Variants in NRG2 observed in about 807,000 individuals in gnomAD.
NRG2 encodes neuregulin 2, also known as pro-neuregulin-2, membrane-bound isoform.
Under a neutral mutation model 73.9 loss-of-function variants are expected in NRG2, and 27 were observed. The ratio of observed to expected loss-of-function variants is 0.37; its 90% CI spans 0.27 to 0.50. The LOEUF (loss-of-function observed/expected upper bound fraction) is 0.50. NRG2 is among the 20% of genes least tolerant of loss of function. The probability of loss-of-function intolerance (pLI) is 0.96; values close to 1 mark genes in which losing one functional copy is unlikely to be tolerated. For synonymous variants in NRG2, 532 were observed against 541.0 expected, an observed-to-expected ratio of 0.98 and a Z score of 0.23; for missense variants, 1,126 against 1,210.1, an observed-to-expected ratio of 0.93 and a Z score of 1.03.
rs1762433264 is a variant in NRG2 at position 139,865,730 on chromosome 5, G to A, written c.1113-105C>T. On this transcript the variant is annotated intron_variant, in intron 4 of 9. Transcript: ENST00000361474. The surrounding 1 kb of genome is among the most constrained non-coding windows in gnomAD (Gnocchi z 5.2). ...TGATGAATGAGAAAAACCAAGTCAG[G>A]CACTTGGGGTCATACTTGTAGCTGA... 2.3e-6 allele frequency: 2 copies of A among 863,568 alleles called. No individual in the cohort carries two copies. Among genetic ancestry groups the A allele is most frequent in the African/African-American group, 1.7e-5 (1 of 58,724 alleles). The allele number at this position is 863,568 out of a possible 1,614,324, so 53.5% of individuals were successfully genotyped here.
chr5:139,858,671 C>T (rs1289427557), intron 5 of NRG2, among the ~76,000 whole-genome samples: 1 of 152,228 alleles, frequency 6.6e-6, no homozygotes, highest in Non-Finnish European at 1.5e-5. Flanking sequence ...TCCACCTGCA[C>T]AGTGCTCAAA....
intron 5 of NRG2, among the ~76,000 whole-genome samples, chr5:139,864,064 G>A (rs916076630): frequency 4.6e-5 from 7 of 152,182 alleles, no homozygotes; most frequent in Non-Finnish European, 8.8e-5. Flanking sequence ...CCAGTATCCA[G>A]TGCCATGTGG....
intron 9 of NRG2, 118 bp from the exon 10 acceptor site, chr5:139,848,815 G>T: frequency 1.1e-6 from 1 of 905,066 alleles, no homozygotes; most frequent in Non-Finnish European, 1.6e-6. Flanking sequence ...CCTTGCCCGA[G>T]ACCCCGCCTG....
At chr5:140,041,308 G>T (rs537281651) in intron 1 of NRG2, among the ~76,000 whole-genome samples, 6 of 152,288 alleles carry the variant, frequency 3.9e-5, no homozygotes, top group Non-Finnish European at 8.8e-5. Context: ...ACCTCAATTT[G>T]AATAAGCACG....
At chr5:139,848,758 G>GCC in intron 9 of NRG2, 61 bp from the exon 10 acceptor site, 1 of 718,192 alleles carries the variant, frequency 1.4e-6, no homozygotes, top group African/African-American at 2.1e-5. Context: ...GGGAGGGGGG[G>GCC]TTGGGGGTGG....
intron 9 of NRG2, among the ~76,000 whole-genome samples, chr5:139,850,525 C>A (rs757981006): frequency 3.3e-5 from 5 of 152,166 alleles, no homozygotes; most frequent in African/African-American, 4.8e-5. Flanking sequence ...CCAGGCCTGC[C>A]CAGCACAGGG....
intron 1 of NRG2, among the ~76,000 whole-genome samples, chr5:140,035,241 A>T (rs1761424911): frequency 6.6e-6 from 1 of 152,134 alleles, no homozygotes; most frequent in Non-Finnish European, 1.5e-5. Flanking sequence ...CTCTCACCTC[A>T]ACTATCTCTG....
At chr5:139,863,599 C>T (rs774548066) in intron 5 of NRG2, among the ~76,000 whole-genome samples, 6 of 152,206 alleles carry the variant, frequency 3.9e-5, no homozygotes, top group Non-Finnish European at 5.9e-5. Context: ...CTCACAAGCC[C>T]GGGAGGCTCT....
In NRG2 at chr5:139,847,913, G is replaced by A; in HGVS notation, c.*4C>T. On this transcript the variant is annotated 3_prime_UTR_variant, in exon 10 of 10. Coordinates refer to ENST00000361474, the MANE Select transcript of NRG2 (RefSeq NM_004883.3). ...GGCGGGGCGGAGGGGCGCGCGGCGGGGCCCTAGAGTGGCGCCGAGTCCTGC... is the reference window on the plus strand; with the variant it reads ...GGCGGGGCGGAGGGGCGCGCGGCGGAGCCCTAGAGTGGCGCCGAGTCCTGC... 1 of 1,445,368 alleles carries A rather than the reference G, an allele frequency of 6.9e-7. No homozygotes were observed. The highest frequency in any genetic ancestry group is 9.0e-7 in the Non-Finnish European group (1 of 1,106,394). 89.5% of individuals were successfully genotyped at this position (1,445,368 alleles called of 1,614,324 possible).
At chr5:140,021,629 T>G (rs1208883045) in intron 1 of NRG2, among the ~76,000 whole-genome samples, 1 of 152,192 alleles carries the variant, frequency 6.6e-6, no homozygotes, top group Non-Finnish European at 1.5e-5. Context: ...ACTATTTTAT[T>G]AATGCCTTCT....
chr5:139,931,881 C>T (rs904042188), intron 1 of NRG2, among the ~76,000 whole-genome samples: 4 of 152,116 alleles, frequency 2.6e-5, no homozygotes, highest in African/African-American at 7.2e-5. Flanking sequence ...AAAACCACAA[C>T]GAGCTATCAC....
intron 3 of NRG2, among the ~76,000 whole-genome samples, chr5:139,873,964 C>T (rs1364263873): frequency 6.6e-6 from 1 of 152,192 alleles, no homozygotes; most frequent in African/African-American, 2.4e-5. Context: ...AGGCTGGGAC[C>T]CCGGGAAGGT....
intron 1 of NRG2, among the ~76,000 whole-genome samples, chr5:140,041,512 T>C (rs1761913658): frequency 6.6e-6 from 1 of 152,158 alleles, no homozygotes; most frequent in Admixed American, 6.5e-5. Context: ...ATCACCTGCA[T>C]TCCTGTGCAG....
intron 1 of NRG2, among the ~76,000 whole-genome samples, chr5:139,963,926 G>C (rs764600173): frequency 6.7e-4 from 102 of 152,168 alleles, no homozygotes; most frequent in Non-Finnish European, 1.2e-3. Flanking sequence ...GTTCCTTTCT[G>C]GTTTTTTCCT....
chr5:140,003,928 A>T (rs996520327), intron 1 of NRG2, among the ~76,000 whole-genome samples: 6 of 152,178 alleles, frequency 3.9e-5, no homozygotes, highest in African/African-American at 1.4e-4. Flanking sequence ...TCAACTTCAC[A>T]TCACCTCCCC....
At chr5:139,911,474 T>C (rs1290695567) in intron 1 of NRG2, among the ~76,000 whole-genome samples, 1 of 152,292 alleles carries the variant, frequency 6.6e-6, no homozygotes, top group South Asian at 2.1e-4. Context: ...AGCCCCCACC[T>C]TCTGGGGCTT....
intron 3 of NRG2, among the ~76,000 whole-genome samples, chr5:139,875,769 A>G (rs955120642): frequency 6.6e-5 from 10 of 152,138 alleles, no homozygotes; most frequent in African/African-American, 2.4e-4. Context: ...TCTATAAAAC[A>G]TACACATACG....
chr5:139,976,250 CAA>C (rs1756376085), intron 1 of NRG2, among the ~76,000 whole-genome samples: 1 of 152,182 alleles, frequency 6.6e-6, no homozygotes, highest in Non-Finnish European at 1.5e-5. Flanking sequence ...AATGAGGAGA[CAA>C]ATTCTTTGTA....
At chr5:139,939,640 TA>T (rs1284754735) in intron 1 of NRG2, among the ~76,000 whole-genome samples, 1 of 152,156 alleles carries the variant, frequency 6.6e-6, no homozygotes, top group East Asian at 1.9e-4. Context: ...CTTCAAAATT[TA>T]AAACTTCTGC....
Sources: gnomAD v4.1 joint callset for allele counts (sites outside exome capture counted in the v4.1 genomes callset) on GRCh38, gnomAD v4.1.1 for gene constraint, Gnocchi (gnomAD v3.1) non-coding constraint, MANE v1.5 for transcripts, NCBI Gene and HGNC (gene_info 2026-07-23, HGNC 2026-07-21) for gene names.